Variants in ANO6 observed in about 807,000 individuals in gnomAD.
ANO6 encodes the protein anoctamin-6.
ANO6 carries 106 observed loss-of-function variants against 117.5 expected under a neutral mutation model. That is an observed-to-expected ratio of 0.90 (90% CI 0.77 to 1.06). The LOEUF (loss-of-function observed/expected upper bound fraction) is 1.06. ANO6 is among the 50% of genes least tolerant of loss of function. The pLI is 0.00. For missense variants in ANO6, 955 were observed against 1,121.1 expected, an observed-to-expected ratio of 0.85 and a Z score of 2.12; for synonymous variants, 367 against 385.1, an observed-to-expected ratio of 0.95 and a Z score of 0.55.
intron 1 of ANO6, among the ~76,000 whole-genome samples, chr12:45,230,216 C>T (rs1947553965): frequency 6.6e-6 from 1 of 151,826 alleles, no homozygotes; most frequent in South Asian, 2.1e-4. Flanking sequence ...GTGCCTGATG[C>T]GTAGTAGGCA....
At chr12:45,239,218 G>C (rs963302247) in intron 1 of ANO6, among the ~76,000 whole-genome samples, 7 of 152,152 alleles carry the variant, frequency 4.6e-5, no homozygotes, top group Non-Finnish European at 8.8e-5. Flanking sequence ...CAATTTCAGA[G>C]CCTGTTATTG....
intron 18 of ANO6, 38 bp from the exon 19 acceptor site, chr12:45,422,919 A>C: frequency 6.8e-7 from 1 of 1,464,982 alleles, no homozygotes; most frequent in Non-Finnish European, 9.6e-7. Flanking sequence ...TTCAGTCAAA[A>C]AGATTTGTCT....
chr12:45,236,401 G>T (rs1443426272), intron 1 of ANO6, among the ~76,000 whole-genome samples: 1 of 151,996 alleles, frequency 6.6e-6, no homozygotes, highest in Admixed American at 6.6e-5. Flanking sequence ...CTTCTAATAG[G>T]CCCTGGTGTG....
chr12:45,332,389 A>G (rs1430269589), intron 3 of ANO6, among the ~76,000 whole-genome samples: 2 of 151,762 alleles, frequency 1.3e-5, no homozygotes, highest in Non-Finnish European at 2.9e-5. Context: ...CTTTAAATCT[A>G]TTGATTTTTG....
At chr12:45,248,356 G>A (rs1223648937) in intron 1 of ANO6, among the ~76,000 whole-genome samples, 2 of 151,720 alleles carry the variant, frequency 1.3e-5, no homozygotes, top group Non-Finnish European at 2.9e-5. Flanking sequence ...AAGTAGCACA[G>A]CTGAATTTTC....
chr12:45,433,628 C>T (rs894140446), downstream of ANO6, among the ~76,000 whole-genome samples: 2 of 152,164 alleles, frequency 1.3e-5, no homozygotes, highest in Admixed American at 1.3e-4. Context: ...ATCTTTGTCC[C>T]TGGTGAGGAC....
chr12:45,319,006 A>C (rs1373966469), intron 2 of ANO6, among the ~76,000 whole-genome samples: 1 of 152,178 alleles, frequency 6.6e-6, no homozygotes, highest in Non-Finnish European at 1.5e-5. Context: ...CAGCTTAAGG[A>C]GATTTTGAAC....
At chr12:45,261,917 GT>G (rs1450056236) in intron 1 of ANO6, among the ~76,000 whole-genome samples, 1 of 152,180 alleles carries the variant, frequency 6.6e-6, no homozygotes, top group African/African-American at 2.4e-5. Context: ...TAAATGGCAT[GT>G]TTTATGGACT....
intron 1 of ANO6, among the ~76,000 whole-genome samples, chr12:45,227,443 C>T (rs1947501753): frequency 6.6e-6 from 1 of 152,002 alleles, no homozygotes; most frequent in Non-Finnish European, 1.5e-5. Context: ...GTGCCATGTC[C>T]CCTAGAATTG....
chr12:45,231,382 T>A (rs1430977692), intron 1 of ANO6, among the ~76,000 whole-genome samples: 1 of 152,210 alleles, frequency 6.6e-6, no homozygotes, highest in Non-Finnish European at 1.5e-5. Context: ...TGACTCAACC[T>A]ATAACCAAAT....
chr12:45,219,227 T>A (rs2137115438), intron 1 of ANO6, among the ~76,000 whole-genome samples: 1 of 152,328 alleles, frequency 6.6e-6, no homozygotes, highest in East Asian at 1.9e-4. Flanking sequence ...CCTGATTATA[T>A]CATAGAGATG....
chr12:45,220,626 T>C (rs1947381520), intron 1 of ANO6, among the ~76,000 whole-genome samples: 1 of 152,188 alleles, frequency 6.6e-6, no homozygotes, highest in African/African-American at 2.4e-5. Context: ...AACCAGACTG[T>C]GATATTGTGA....
intron 8 of ANO6, among the ~76,000 whole-genome samples, chr12:45,362,335 A>T (rs1941577019): frequency 6.6e-6 from 1 of 151,970 alleles, no homozygotes; most frequent in South Asian, 2.1e-4. Flanking sequence ...AGTAACAGTA[A>T]TGTTTCCCTT....
At chr12:45,335,809 C>A (rs1297240760) in intron 3 of ANO6, among the ~76,000 whole-genome samples, 10 of 151,882 alleles carry the variant, frequency 6.6e-5, no homozygotes, top group Admixed American at 6.6e-4. Flanking sequence ...ATTTTAAATG[C>A]AGTTATGATT....
intron 7 of ANO6, among the ~76,000 whole-genome samples, chr12:45,354,542 G>T (rs1298252901): frequency 6.6e-6 from 1 of 152,076 alleles, no homozygotes; most frequent in Non-Finnish European, 1.5e-5. Context: ...CTGTGATGGG[G>T]CTTGGAGAGT....
chr12:45,216,335 G>A lies in ANO6; in HGVS notation c.14G>A (p.Ser5Asn), dbSNP rs752340789. The change falls in exon 1 of 20, where the codon AGC becomes AAC. Residue 5 changes from serine (S) to asparagine (N), a missense_variant. Ser to Asn is a conservative substitution (Grantham distance 46). Coordinates refer to ENST00000320560, the MANE Select transcript of ANO6 (RefSeq NM_001025356.3). MKKM[S>N]RNVLLQMEEE... The stretch of plus-strand genomic sequence containing the variant: ...TCTGAGGGAGACATGAAAAAGATGA[G>A]CAGGAATGTTTTGCTACAAATGGAG... The A allele has an allele frequency of 5.6e-6, 9 of 1,612,452 alleles. No individual in the cohort carries two copies. Among genetic ancestry groups the A allele is most frequent in the Non-Finnish European group, 7.6e-6 (9 of 1,179,158 alleles).
intron 3 of ANO6, among the ~76,000 whole-genome samples, chr12:45,341,206 A>T (rs1051726861): frequency 1.3e-5 from 2 of 152,218 alleles, no homozygotes; most frequent in Non-Finnish European, 2.9e-5. Context: ...TAAAGAACTA[A>T]AATAGAATAA....
intron 1 of ANO6, 80 bp downstream of exon 1, chr12:45,216,471 G>A (rs1016849273): frequency 3.3e-6 from 5 of 1,499,368 alleles, no homozygotes; most frequent in Non-Finnish European, 4.5e-6. Flanking sequence ...CGGGGGCGCT[G>A]TGCTCTCCGC....
At chr12:45,345,421 T>A (rs776046177) in intron 3 of ANO6, among the ~76,000 whole-genome samples, 2 of 152,104 alleles carry the variant, frequency 1.3e-5, no homozygotes, top group Non-Finnish European at 2.9e-5. Flanking sequence ...AGTGGGCAGA[T>A]CATGAGTATT....
Sources: allele counts gnomAD v4.1 joint callset (sites outside exome capture counted in the v4.1 genomes callset), GRCh38; gene constraint gnomAD v4.1.1; transcripts MANE v1.5; gene names NCBI Gene and HGNC (gene_info 2026-07-23, HGNC 2026-07-21).